Variants in CLEC16A observed in about 807,000 individuals in gnomAD.
CLEC16A encodes protein CLEC16A.
CLEC16A carries 51 observed loss-of-function variants against 109.5 expected under a neutral mutation model. That is an observed-to-expected ratio of 0.47 (90% CI 0.37 to 0.59). CLEC16A has a LOEUF of 0.59. Among genes scored for constraint, CLEC16A ranks in the 20% least tolerant of loss-of-function variants. The pLI is 0.00. For missense variants in CLEC16A, 1,339 were observed against 1,394.0 expected (o/e 0.96, Z 0.63); for synonymous variants, 673 against 564.2 (o/e 1.19, Z -2.73).
intron 9 of CLEC16A, among the ~76,000 whole-genome samples, chr16:10,981,680 T>C (rs2043329746): frequency 6.6e-6 from 1 of 152,246 alleles, no homozygotes; most frequent in Non-Finnish European, 1.5e-5. Flanking sequence ...TAAACAACGT[T>C]TTTTAAAGTT....
At chr16:10,966,921 A>G (rs1370084658) in intron 3 of CLEC16A, among the ~76,000 whole-genome samples, 1 of 152,178 alleles carries the variant, frequency 6.6e-6, no homozygotes, top group African/African-American at 2.4e-5. Context: ...GTATATTTCC[A>G]CATATGTCAA....
intron 11 of CLEC16A, among the ~76,000 whole-genome samples, chr16:11,018,641 C>T (rs921481028): frequency 2.6e-5 from 4 of 151,008 alleles, no homozygotes; most frequent in African/African-American, 9.8e-5. Flanking sequence ...CCCAGCTACT[C>T]AGGAGGCTGA....
rs1442996679 is a variant in CLEC16A at position 11,088,446 on chromosome 16, T to TG, written c.2116+27425dup. Among the ~76,000 whole-genome samples, 3 of 152,300 alleles carry TG rather than the reference T, an allele frequency of 2.0e-5. No homozygotes were observed. The East Asian group carries it at 5.8e-4, about 29-fold the overall frequency. ...TGTACCATCTTCAGCTGGGTGTGGG[T>TG]GAAAGCCTCGTTGGGGATGGGCCCA... is the stretch of plus-strand genomic sequence containing the variant. On this transcript the variant is annotated intron_variant, in intron 19 of 23. Coordinates refer to ENST00000409790, the MANE Select transcript of CLEC16A (RefSeq NM_015226.3).
intron 2 of CLEC16A, among the ~76,000 whole-genome samples, chr16:10,959,694 A>AT (rs1389697888): frequency 3.9e-4 from 59 of 150,948 alleles, no homozygotes; most frequent in African/African-American, 1.4e-3. Flanking sequence ...GCCCAGCTGG[A>AT]ATTTTTTTTT....
chr16:11,069,153 G>A (rs1243840545), intron 19 of CLEC16A, among the ~76,000 whole-genome samples: 1 of 151,912 alleles, frequency 6.6e-6, no homozygotes, highest in African/African-American at 2.4e-5. Context: ...TTTGAGACAG[G>A]GTTTCACTCT....
chr16:11,030,646 T>C (rs976915514), intron 13 of CLEC16A, among the ~76,000 whole-genome samples: 6 of 152,212 alleles, frequency 3.9e-5, no homozygotes, highest in African/African-American at 7.2e-5. Context: ...TTTGGGTTTT[T>C]TTGTTTTGTT....
At chr16:10,952,022 T>C (rs2041759508) in intron 1 of CLEC16A, among the ~76,000 whole-genome samples, 1 of 152,168 alleles carries the variant, frequency 6.6e-6, no homozygotes, top group Non-Finnish European at 1.5e-5. Flanking sequence ...GGCACTGAAA[T>C]GGATAATGCA....
intron 3 of CLEC16A, among the ~76,000 whole-genome samples, chr16:10,965,804 A>G (rs1032050534): frequency 3.9e-5 from 6 of 152,208 alleles, no homozygotes; most frequent in East Asian, 3.8e-4. Flanking sequence ...CAACTGTCCT[A>G]TGGTGGCCCC....
chr16:11,077,471 C>CAA (rs562378755), intron 19 of CLEC16A, among the ~76,000 whole-genome samples: 640 of 61,238 alleles, frequency 0.01, 12 homozygotes, highest in African/African-American at 0.029. Context: ...GACTCTGTCT[C>CAA]AAAAAAAAAA....
chr16:10,980,371 A>G (rs1296242387), intron 9 of CLEC16A, among the ~76,000 whole-genome samples: 2 of 152,040 alleles, frequency 1.3e-5, no homozygotes, highest in Non-Finnish European at 2.9e-5. Flanking sequence ...CATAAACCCC[A>G]GCCTCTCCTG....
At chr16:11,052,452 G>A (rs553607207) in intron 18 of CLEC16A, among the ~76,000 whole-genome samples, 4 of 152,146 alleles carry the variant, frequency 2.6e-5, no homozygotes, top group Admixed American at 6.5e-5. Context: ...CCTCAGACAC[G>A]AGGAGTCTGA....
At chr16:11,067,192 T>G (rs1199032041) in intron 19 of CLEC16A, among the ~76,000 whole-genome samples, 14 of 34,090 alleles carry the variant, frequency 4.1e-4, no homozygotes, top group East Asian at 3.1e-3. Context: ...TGTTTTTGTT[T>G]TTTTTTTTTT....
intron 11 of CLEC16A, among the ~76,000 whole-genome samples, chr16:11,009,536 C>T (rs2045268277): frequency 6.6e-6 from 1 of 152,190 alleles, no homozygotes; most frequent in Non-Finnish European, 1.5e-5. Context: ...GCCTCATGAG[C>T]TGTGGGATGG....
At chr16:11,002,654 C>T (rs952929427) in intron 10 of CLEC16A, among the ~76,000 whole-genome samples, 2 of 152,084 alleles carry the variant, frequency 1.3e-5, no homozygotes, top group African/African-American at 4.8e-5. Context: ...CCCTCCAAGT[C>T]CACCACCCCT....
rs768597834 is a variant in CLEC16A at position 11,020,221 on chromosome 16, C to G, written c.1332C>G (p.Ser444Arg). The G allele has an allele frequency of 3.1e-6, 5 of 1,613,208 alleles. No homozygotes were observed. Among genetic ancestry groups the G allele is most frequent in the Non-Finnish European group, 4.2e-6 (5 of 1,179,506 alleles). The stretch of plus-strand genomic sequence containing the variant: ...TCGAGATGGTGATCATGGAGCGTAG[C>G]AAGCTCTCAGAGCTGGCCGCCAGCA... ...EEIEMVIMER[S>R]KLSELAASTS... The change falls in exon 12 of 24, where the codon AGC becomes AGG. Residue 444 changes from serine to arginine, a missense_variant. This residue lies in a region of CLEC16A where 1,061 missense variants were observed against 1,006.8 expected (regional missense o/e 1.05). Transcript: ENST00000409790.
At chr16:11,097,639 G>A (rs925161372) in intron 19 of CLEC16A, among the ~76,000 whole-genome samples, 6 of 152,108 alleles carry the variant, frequency 3.9e-5, no homozygotes, top group Non-Finnish European at 2.9e-5. Flanking sequence ...TACAGCCTCC[G>A]TATTTACTGG....
intron 22 of CLEC16A, among the ~76,000 whole-genome samples, chr16:11,141,477 G>A (rs1314482155): frequency 1.3e-5 from 2 of 152,266 alleles, no homozygotes; most frequent in Admixed American, 6.5e-5. Flanking sequence ...AGAGCACGGG[G>A]TGTGGGGGGC....
intron 22 of CLEC16A, among the ~76,000 whole-genome samples, chr16:11,127,726 G>A (rs1337352102): frequency 6.6e-6 from 1 of 152,046 alleles, no homozygotes; most frequent in Non-Finnish European, 1.5e-5. Flanking sequence ...AAATTAGCCA[G>A]GCATGGTGGT....
chr16:10,956,641 C>T (rs545667599), intron 1 of CLEC16A, among the ~76,000 whole-genome samples: 12 of 152,298 alleles, frequency 7.9e-5, no homozygotes, highest in South Asian at 2.1e-4. Context: ...CTGGTCCCCG[C>T]GCTGCTCAGG....
Sources: gnomAD v4.1 joint callset for allele counts (sites outside exome capture counted in the v4.1 genomes callset) on GRCh38, gnomAD v4.1.1 for gene constraint, gnomAD v4.1.1 regional missense constraint, MANE v1.5 for transcripts, NCBI Gene and HGNC (gene_info 2026-07-23, HGNC 2026-07-21) for gene names.